Variants in SNTG1 observed in about 807,000 individuals in gnomAD.
SNTG1 encodes gamma-1-syntrophin.
A neutral mutation model predicts 74.7 loss-of-function variants in SNTG1; 39 were observed. The observed-to-expected ratio is 0.52, with a 90% CI of 0.40 to 0.68. The LOEUF (loss-of-function observed/expected upper bound fraction) is 0.68, where lower values mean the gene tolerates loss of function less well. Among genes scored for constraint, SNTG1 ranks in the 30% least tolerant of loss-of-function variants. The pLI, the probability that SNTG1 is intolerant of heterozygous loss-of-function variation, is 0.00. For synonymous variants in SNTG1, 254 were observed against 217.1 expected, an observed-to-expected ratio of 1.17 and a Z score of -1.49; for missense variants, 685 against 609.5, an observed-to-expected ratio of 1.12 and a Z score of -1.30.
chr8:50,226,880 G>A (rs538047070), intron 2 of SNTG1, among the ~76,000 whole-genome samples: 2 of 152,220 alleles, frequency 1.3e-5, no homozygotes, highest in South Asian at 4.1e-4. Flanking sequence ...ATTTTACAGA[G>A]TTTGACTCTT....
chr8:50,101,533 G>A (rs1253117399), intron 1 of SNTG1, among the ~76,000 whole-genome samples: 2 of 151,752 alleles, frequency 1.3e-5, no homozygotes, highest in South Asian at 2.1e-4. Flanking sequence ...GATTAGTGAT[G>A]GGGAGTATAT....
At chr8:50,718,201 G>A (rs560710919) in intron 17 of SNTG1, among the ~76,000 whole-genome samples, 1 of 152,188 alleles carries the variant, frequency 6.6e-6, no homozygotes, top group East Asian at 1.9e-4. Context: ...GTAGGCACAC[G>A]GTGAAGGAAG....
chr8:50,571,410 C>T lies in SNTG1; in HGVS notation c.810+18231C>T, dbSNP rs751117646. Among the ~76,000 whole-genome samples the T allele has an allele frequency of 1.8e-4, 28 of 152,228 alleles. 1 individual carries two copies. Among genetic ancestry groups the T allele is most frequent in the Non-Finnish European group, 3.4e-4 (23 of 68,044 alleles). On this transcript the variant is annotated intron_variant, in intron 12 of 18. Coordinates refer to ENST00000642720, the MANE Select transcript of SNTG1 (RefSeq NM_018967.5). ...TGAAAGACCAGGGCAAAGAAACAGC[C>T]TGCTGATAAATTTGCTCACTCTTGC...
chr8:50,511,265 A>G (rs1266800512), intron 9 of SNTG1, among the ~76,000 whole-genome samples: 15 of 152,270 alleles, frequency 9.9e-5, no homozygotes, highest in Admixed American at 8.5e-4. Flanking sequence ...GTTTGATTGC[A>G]CTGTGGTCTG....
At chr8:50,484,034 T>C (rs1179208828) in intron 8 of SNTG1, among the ~76,000 whole-genome samples, 1 of 152,186 alleles carries the variant, frequency 6.6e-6, no homozygotes, top group South Asian at 2.1e-4. Context: ...TATATATGTA[T>C]GAGGCTTTAA....
intron 15 of SNTG1, among the ~76,000 whole-genome samples, chr8:50,665,024 TA>T (rs1465525245): frequency 2.0e-5 from 3 of 152,176 alleles, no homozygotes; most frequent in South Asian, 2.1e-4. Context: ...TGACAGAGAT[TA>T]TTTTTTTAAA....
At chr8:50,766,775 C>T (rs1454028117) in intron 18 of SNTG1, among the ~76,000 whole-genome samples, 1 of 151,824 alleles carries the variant, frequency 6.6e-6, no homozygotes, top group African/African-American at 2.4e-5. Context: ...TCCTCCCATG[C>T]ATCCAAGAAT....
chr8:50,134,909 C>A (rs995735216), intron 1 of SNTG1, among the ~76,000 whole-genome samples: 1 of 152,050 alleles, frequency 6.6e-6, no homozygotes, highest in Non-Finnish European at 1.5e-5. Flanking sequence ...AATTTTCAGT[C>A]CTCTTTTATG....
chr8:49,921,199 T>C (rs1390075701), intron 1 of SNTG1, among the ~76,000 whole-genome samples: 1 of 151,794 alleles, frequency 6.6e-6, no homozygotes, highest in Non-Finnish European at 1.5e-5. Context: ...TAAATATCTT[T>C]CAAAAGTAAG....
At chr8:50,647,324 T>C (rs1043531008) in intron 13 of SNTG1, among the ~76,000 whole-genome samples, 13 of 152,062 alleles carry the variant, frequency 8.5e-5, no homozygotes, top group African/African-American at 3.1e-4. Flanking sequence ...GATGAGGAAC[T>C]GTTCCCTGAA....
intron 13 of SNTG1, among the ~76,000 whole-genome samples, chr8:50,632,633 G>A (rs953758142): frequency 6.6e-5 from 10 of 152,112 alleles, no homozygotes; most frequent in African/African-American, 2.4e-4. Context: ...CTCTTATTAG[G>A]TTAAGAAAAA....
chr8:50,213,650 G>A (rs1197065319), intron 2 of SNTG1, among the ~76,000 whole-genome samples: 3 of 151,704 alleles, frequency 2.0e-5, no homozygotes, highest in Admixed American at 1.3e-4. Context: ...ATCTCATTGT[G>A]GTTTTGATTT....
intron 2 of SNTG1, among the ~76,000 whole-genome samples, chr8:50,176,363 G>A (rs1172295473): frequency 2.0e-5 from 3 of 152,184 alleles, no homozygotes; most frequent in African/African-American, 7.2e-5. Context: ...TATTTCTAGT[G>A]TTGTCTGTCA....
rs186322432 is a variant in SNTG1 at position 50,593,770 on chromosome 8, T to G, written c.849+2853T>G. Among the ~76,000 whole-genome samples, 354 of 150,672 alleles carry G rather than the reference T, an allele frequency of 2.3e-3. 1 individual carries two copies. Among genetic ancestry groups the G allele is most frequent in the African/African-American group, 8.1e-3 (329 of 40,830 alleles). On this transcript the variant is annotated intron_variant, in intron 13 of 18. Coordinates refer to ENST00000642720, the MANE Select transcript of SNTG1 (RefSeq NM_018967.5). ...TCTCATTCTGTCACCCAGGCTGGAG[T>G]GCAGTGGCACAATCTTGGCTCACTG...
At chr8:50,498,055 TACAGC>T (rs2093919214) in intron 8 of SNTG1, among the ~76,000 whole-genome samples, 1 of 151,952 alleles carries the variant, frequency 6.6e-6, no homozygotes, top group African/African-American at 2.4e-5. Context: ...TGATTAAAAA[TACAGC>T]TGCTATGAAT....
intron 1 of SNTG1, among the ~76,000 whole-genome samples, chr8:50,019,205 T>A (rs766983089): frequency 6.6e-6 from 1 of 152,038 alleles, no homozygotes; most frequent in Non-Finnish European, 1.5e-5. Flanking sequence ...ATATTTTAAA[T>A]GGATGGATTT....
intron 1 of SNTG1, among the ~76,000 whole-genome samples, chr8:50,088,849 C>G (rs1234102430): frequency 6.7e-6 from 1 of 148,758 alleles, no homozygotes; most frequent in Non-Finnish European, 1.5e-5. Flanking sequence ...TTTACAGATT[C>G]AATGCTATCC....
At chr8:50,299,474 G>A (rs2089545007) in intron 2 of SNTG1, among the ~76,000 whole-genome samples, 1 of 152,056 alleles carries the variant, frequency 6.6e-6, no homozygotes, top group Admixed American at 6.6e-5. Flanking sequence ...TTTTCAAATA[G>A]TCTTTTGGGG....
At chr8:49,950,476 G>A (rs1168793109) in intron 1 of SNTG1, among the ~76,000 whole-genome samples, 1 of 151,910 alleles carries the variant, frequency 6.6e-6, no homozygotes, top group East Asian at 1.9e-4. Context: ...GGAAATCCAG[G>A]GGAGATTTTT....
Sources: gnomAD v4.1 joint callset for allele counts (sites outside exome capture counted in the v4.1 genomes callset) on GRCh38, gnomAD v4.1.1 for gene constraint, MANE v1.5 for transcripts, NCBI Gene and HGNC (gene_info 2026-07-23, HGNC 2026-07-21) for gene names.